Variants in MTUS2 observed in about 807,000 individuals in gnomAD.
MTUS2 encodes the protein microtubule-associated tumor suppressor candidate 2.
A neutral mutation model predicts 114.1 loss-of-function variants in MTUS2; 40 were observed. That is an observed-to-expected ratio of 0.35 (90% CI 0.27 to 0.46). The LOEUF is 0.46. Among genes scored for constraint, MTUS2 ranks in the 20% least tolerant of loss-of-function variants. The pLI, the probability that MTUS2 is intolerant of heterozygous loss-of-function variation, is 1.00. For synonymous variants in MTUS2, 688 were observed against 672.0 expected, an observed-to-expected ratio of 1.02 and a Z score of -0.37; for missense variants, 1,679 against 1,705.4, an observed-to-expected ratio of 0.98 and a Z score of 0.27.
chr13:29,291,892 C>CT (rs1898732426), intron 6 of MTUS2, among the ~76,000 whole-genome samples: 1 of 152,224 alleles, frequency 6.6e-6, no homozygotes, highest in South Asian at 2.1e-4. Context: ...TTTCATCCAA[C>CT]TCTAACATCT....
chr13:29,197,732 ACT>A (rs1894762172), intron 5 of MTUS2, among the ~76,000 whole-genome samples: 1 of 151,880 alleles, frequency 6.6e-6, no homozygotes, highest in African/African-American at 2.4e-5. Context: ...TTGTTTCCTG[ACT>A]TGTTAATGAT....
At chr13:28,978,502 A>G (rs1263840826) in intron 2 of MTUS2, among the ~76,000 whole-genome samples, 7 of 152,370 alleles carry the variant, frequency 4.6e-5, no homozygotes, top group East Asian at 1.9e-4. Flanking sequence ...TTTAAGATGT[A>G]GAAATAATAT....
chr13:28,857,268 A>G (rs370409423), intron 2 of MTUS2, among the ~76,000 whole-genome samples: 82 of 152,380 alleles, frequency 5.4e-4, no homozygotes, highest in African/African-American at 1.8e-3. Context: ...GCCTTCTTAA[A>G]TGTAGAAACT....
chr13:29,222,663 G>C (rs1689171668), intron 5 of MTUS2, among the ~76,000 whole-genome samples: 1 of 152,324 alleles, frequency 6.6e-6, no homozygotes, highest in African/African-American at 2.4e-5. Flanking sequence ...CCCCTTCCAA[G>C]TTGGAGGGGT....
At chr13:28,858,506 G>T (rs1456711087) in intron 2 of MTUS2, among the ~76,000 whole-genome samples, 2 of 152,060 alleles carry the variant, frequency 1.3e-5, no homozygotes, top group Non-Finnish European at 2.9e-5. Context: ...GCAGAACATT[G>T]TTGTCATTAT....
intron 2 of MTUS2, among the ~76,000 whole-genome samples, chr13:28,930,233 T>C (rs1462957456): frequency 2.0e-5 from 3 of 152,150 alleles, no homozygotes; most frequent in African/African-American, 7.2e-5. Flanking sequence ...ATCAGAAAAA[T>C]GATGTTATGT....
chr13:29,389,234 T>TATGTGTGTATATATATGTATACAC (rs1872851879), intron 8 of MTUS2, among the ~76,000 whole-genome samples: 3 of 145,212 alleles, frequency 2.1e-5, no homozygotes, highest in African/African-American at 2.7e-5. Context: ...TGTATATATG[T>TATGTGTGTATATATATGTATACAC]ATGTGTGTAT....
At chr13:28,982,536 G>T (rs1245693428) in intron 2 of MTUS2, among the ~76,000 whole-genome samples, 1 of 152,130 alleles carries the variant, frequency 6.6e-6, no homozygotes. Flanking sequence ...TCCAAAAGCA[G>T]TGAAAGCAGG....
Position 29,389,364 on chromosome 13 carries a change from C to T in MTUS2, c.3117+29891C>T, listed in dbSNP as rs1417669947. Among the ~76,000 whole-genome samples the T allele has an allele frequency of 1.5e-3, 106 of 69,732 alleles. 14 individuals are homozygous for T. The highest frequency in any genetic ancestry group is 2.3e-3 in the Non-Finnish European group (79 of 35,002). 45.7% of individuals were successfully genotyped at this position (69,732 alleles called of 152,430 possible). ...ATGCACGTGTGTGTATATATGTATG[C>T]ACGTGTGTGTATATATGTATACACG... On this transcript the variant is annotated intron_variant, in intron 8 of 15. Coordinates refer to ENST00000612955, the MANE Select transcript of MTUS2 (RefSeq NM_001033602.4).
At chr13:28,864,944 T>A (rs1199012051) in intron 2 of MTUS2, among the ~76,000 whole-genome samples, 1 of 152,202 alleles carries the variant, frequency 6.6e-6, no homozygotes, top group Non-Finnish European at 1.5e-5. Flanking sequence ...TGTTTTTTGT[T>A]TAGTAGAGAC....
chr13:29,302,796 G>T (rs1351236858), intron 6 of MTUS2, among the ~76,000 whole-genome samples: 3 of 152,216 alleles, frequency 2.0e-5, no homozygotes, highest in Non-Finnish European at 4.4e-5. Context: ...TGCTCTACCA[G>T]ACAGCAGCCA....
At chr13:29,395,409 A>G (rs1873835042) in intron 8 of MTUS2, among the ~76,000 whole-genome samples, 1 of 152,146 alleles carries the variant, frequency 6.6e-6, no homozygotes, top group African/African-American at 2.4e-5. Flanking sequence ...GGTGGATTAG[A>G]TTGTAGGGAG....
At chr13:29,412,142 C>G (rs1264107312) in intron 8 of MTUS2, among the ~76,000 whole-genome samples, 1 of 152,282 alleles carries the variant, frequency 6.6e-6, no homozygotes, top group South Asian at 2.1e-4. Context: ...CAGTAGGAAT[C>G]CTTGCTTTGT....
chr13:29,101,607 G>A (rs1890422130), intron 5 of MTUS2, among the ~76,000 whole-genome samples: 1 of 152,168 alleles, frequency 6.6e-6, no homozygotes, highest in South Asian at 2.1e-4. Flanking sequence ...AAGATCTGGA[G>A]GTTGCCCATT....
At chr13:29,019,058 G>A (rs966743376) in intron 2 of MTUS2, among the ~76,000 whole-genome samples, 1 of 151,994 alleles carries the variant, frequency 6.6e-6, no homozygotes, top group Non-Finnish European at 1.5e-5. Flanking sequence ...GTGTAGGACC[G>A]GTCATGGTAC....
intron 7 of MTUS2, among the ~76,000 whole-genome samples, chr13:29,340,676 G>T (rs1323020145): frequency 1.3e-5 from 2 of 151,898 alleles, no homozygotes; most frequent in Admixed American, 6.6e-5. Context: ...AGTAGTTTTT[G>T]GGGGAAAGGT....
chr13:29,281,106 T>C (rs1358337807), intron 5 of MTUS2, among the ~76,000 whole-genome samples: 2 of 152,176 alleles, frequency 1.3e-5, no homozygotes, highest in East Asian at 3.9e-4. Flanking sequence ...AGGCCTCAGC[T>C]TTTCAAACAG....
intron 5 of MTUS2, among the ~76,000 whole-genome samples, chr13:29,263,592 A>G (rs1168696726): frequency 6.6e-6 from 1 of 152,140 alleles, no homozygotes; most frequent in Admixed American, 6.5e-5. Flanking sequence ...GCTTCTGGGG[A>G]GGCCTCAGGG....
chr13:29,486,953 T>C (rs1002892572), intron 10 of MTUS2, among the ~76,000 whole-genome samples: 2 of 152,148 alleles, frequency 1.3e-5, no homozygotes, highest in Admixed American at 6.5e-5. Context: ...ACAGCCACAA[T>C]GACAATAACA....
Sources: gnomAD v4.1 joint callset for allele counts (sites outside exome capture counted in the v4.1 genomes callset) on GRCh38, gnomAD v4.1.1 for gene constraint, MANE v1.5 for transcripts, NCBI Gene and HGNC (gene_info 2026-07-23, HGNC 2026-07-21) for gene names.